The following PHLPP2 variants were observed in gnomAD, a reference collection of about 807,000 sequenced individuals.
The protein encoded by PHLPP2 is PH domain leucine-rich repeat-containing protein phosphatase 2.
A neutral mutation model predicts 124.9 loss-of-function variants in PHLPP2; 66 were observed. That is an observed-to-expected ratio of 0.53 (90% CI 0.43 to 0.65). The LOEUF (loss-of-function observed/expected upper bound fraction) is 0.65, where lower values mean the gene tolerates loss of function less well. Ranked by LOEUF, PHLPP2 falls within the 30% of genes least tolerant of loss-of-function variation. PHLPP2 has a pLI of 0.00. For synonymous variants in PHLPP2, 681 were observed against 624.7 expected, an observed-to-expected ratio of 1.09 and a Z score of -1.34; for missense variants, 1,685 against 1,600.4, an observed-to-expected ratio of 1.05 and a Z score of -0.90.
chr16:71,653,583 G>C (rs189069465), intron 17 of PHLPP2, among the ~76,000 whole-genome samples: 7 of 152,130 alleles, frequency 4.6e-5, no homozygotes, highest in Non-Finnish European at 1.0e-4. Flanking sequence ...CAATGTTAAC[G>C]AGGAACAGAC....
intron 2 of PHLPP2, among the ~76,000 whole-genome samples, chr16:71,710,563 A>G (rs2045317204): frequency 6.6e-6 from 1 of 152,178 alleles, no homozygotes; most frequent in Non-Finnish European, 1.5e-5. Context: ...GAAATAGGTA[A>G]TATTTATTGA....
chr16:71,651,859 C>G (rs1167360176), intron 18 of PHLPP2, among the ~76,000 whole-genome samples: 3 of 152,194 alleles, frequency 2.0e-5, no homozygotes, highest in African/African-American at 7.2e-5. Flanking sequence ...AATATAGATA[C>G]AGAGCTTACA....
chr16:71,717,434 T>C (rs907675517), intron 1 of PHLPP2, among the ~76,000 whole-genome samples: 13 of 152,228 alleles, frequency 8.5e-5, no homozygotes, highest in African/African-American at 2.2e-4. Flanking sequence ...ATGAGGATTA[T>C]TGAATCTAAC....
chr16:71,709,189 T>C (rs1353492334), intron 2 of PHLPP2, among the ~76,000 whole-genome samples: 1 of 152,166 alleles, frequency 6.6e-6, no homozygotes, highest in Non-Finnish European at 1.5e-5. Flanking sequence ...AAAAACTCCC[T>C]TTCCCCTATT....
In PHLPP2 at chr16:71,658,736, T is replaced by C; in HGVS notation, c.2065A>G (p.Asn689Asp). The C allele has an allele frequency of 6.2e-7, 1 of 1,614,122 alleles. No individual in the cohort carries two copies. The highest frequency in any genetic ancestry group is 8.5e-7 in the Non-Finnish European group (1 of 1,180,018). Residue 689 changes from asparagine to aspartate, a missense_variant, in exon 14 of 19, where the codon AAC becomes GAC. Transcript: ENST00000568954. ...KLKTIPTTIA[N>D]CKRLHTLVAH... The stretch of plus-strand genomic sequence containing the variant: ...ACAAGGGTGTGCAGCCTTTTACAGT[T>C]TGCTATGGTTGTGGGAATGGTTTTA...
chr16:71,666,854 A>G (rs1267276450), intron 12 of PHLPP2, among the ~76,000 whole-genome samples: 1 of 152,242 alleles, frequency 6.6e-6, no homozygotes, highest in Non-Finnish European at 1.5e-5. Context: ...AAGAAGCCAC[A>G]GCAGAATGTT....
chr16:71,705,386 T>A (rs1340740247), intron 2 of PHLPP2, among the ~76,000 whole-genome samples: 3 of 152,208 alleles, frequency 2.0e-5, no homozygotes, highest in Non-Finnish European at 4.4e-5. Flanking sequence ...TATTTCTCTC[T>A]AGAAAACTGA....
intron 4 of PHLPP2, among the ~76,000 whole-genome samples, chr16:71,687,659 T>G (rs575395455): frequency 6.6e-6 from 1 of 152,190 alleles, no homozygotes; most frequent in Non-Finnish European, 1.5e-5. Flanking sequence ...TTAGTGGCTA[T>G]TGTTAAATTT....
At position 71,648,729 on chromosome 16, in the gene PHLPP2, C is replaced by T. The variant is rs1596984176; in HGVS notation, c.*161G>A. ...GAGGCTGCAGTGACCCGAGACCCCACCATTGCACTCCAGCCTGAGCGACTG... is the reference window on the plus strand; with the variant it reads ...GAGGCTGCAGTGACCCGAGACCCCATCATTGCACTCCAGCCTGAGCGACTG... On this transcript the variant is annotated 3_prime_UTR_variant, in exon 19 of 19. Coordinates refer to ENST00000568954, the MANE Select transcript of PHLPP2 (RefSeq NM_015020.3). 3.2e-6 allele frequency: 2 copies of T among 617,806 alleles called. No homozygotes were observed. The highest frequency in any genetic ancestry group is 2.0e-5 in the South Asian group (1 of 49,522). 38.3% of individuals were successfully genotyped at this position (617,806 alleles called of 1,614,324 possible).
intron 1 of PHLPP2, among the ~76,000 whole-genome samples, chr16:71,722,475 T>A (rs1190938967): frequency 6.6e-6 from 1 of 152,066 alleles, no homozygotes; most frequent in Non-Finnish European, 1.5e-5. Context: ...GCACAAAAAA[T>A]GTTTTATATT....
At position 71,708,377 on chromosome 16, in the gene PHLPP2, T is replaced by G. The variant is rs189484436; in HGVS notation, c.285-5646A>C. On this transcript the variant is annotated intron_variant, in intron 2 of 18. Transcript: ENST00000568954. ...TCAGAAGCTCCTCCACTGAGCATCT[T>G]GTAACCCCCAACCCTGCCCGCAAGA... Among the ~76,000 whole-genome samples, 746 of 152,274 alleles carry G rather than the reference T, an allele frequency of 4.9e-3. 5 individuals are homozygous for G. The highest frequency in any genetic ancestry group is 6.7e-3 in the Non-Finnish European group (459 of 68,016).
chr16:71,663,290 T>C (rs941934047), intron 13 of PHLPP2, among the ~76,000 whole-genome samples: 5 of 152,264 alleles, frequency 3.3e-5, no homozygotes, highest in African/African-American at 1.2e-4. Flanking sequence ...ATTTTGTAGT[T>C]TTAGTAGAGA....
chr16:71,710,760 A>C (rs1292734073), intron 2 of PHLPP2, among the ~76,000 whole-genome samples: 1 of 152,202 alleles, frequency 6.6e-6, no homozygotes, highest in African/African-American at 2.4e-5. Flanking sequence ...AATTCATTTA[A>C]TCTTCATATC....
At position 71,676,541 on chromosome 16, in the gene PHLPP2, T is replaced by A; in HGVS notation, c.1377A>T (p.Leu459Phe). The change falls in exon 9 of 19, where the codon TTA becomes TTT. Residue 459 changes from leucine (L) to phenylalanine (F), a missense_variant. Transcript: ENST00000568954. ...CACAGTGCAGCTGTTCCAAGCTGCA[T>A]AAGGAGCTAAGATCCAAGTCAGTCA... ...NRLTDLDLSS[L>F]CSLEQLHCGR... 1 of 1,613,890 alleles carries A rather than the reference T, an allele frequency of 6.2e-7. No individual in the cohort carries two copies. Among genetic ancestry groups the A allele is most frequent in the Non-Finnish European group, 8.5e-7 (1 of 1,179,738 alleles).
At chr16:71,702,574 A>G in intron 3 of PHLPP2, 24 bp downstream of exon 3, 1 of 1,596,568 alleles carries the variant, frequency 6.3e-7, no homozygotes. Context: ...TAGTTAACAT[A>G]CAAAGCCACT....
chr16:71,679,353 G>T, intron 7 of PHLPP2, 36 bp downstream of exon 7: 5 of 1,593,800 alleles, frequency 3.1e-6, no homozygotes, highest in Non-Finnish European at 4.3e-6. Context: ...TCCTTATTCT[G>T]CAAGGGAAAA....
intron 11 of PHLPP2, among the ~76,000 whole-genome samples, chr16:71,668,415 CAAAAAAAAAAAAAAAA>C (rs34860764): frequency 7.4e-5 from 2 of 26,930 alleles, no homozygotes; most frequent in African/African-American, 1.6e-4. Context: ...GACTCTGTCT[CAAAAAAAAAAAAAAAA>C]AAAAAAAAAA....
intron 1 of PHLPP2, among the ~76,000 whole-genome samples, chr16:71,719,946 C>G (rs1244396617): frequency 7.3e-6 from 1 of 136,294 alleles, no homozygotes; most frequent in Non-Finnish European, 1.5e-5. Context: ...TACAGGTGCA[C>G]AACACCATGC....
intron 1 of PHLPP2, among the ~76,000 whole-genome samples, chr16:71,719,702 G>C (rs1448332237): frequency 5.3e-5 from 8 of 150,026 alleles, no homozygotes. Context: ...GACACAAGGA[G>C]ACTCTGTCTT....
Sources: gnomAD v4.1 joint callset for allele counts (sites outside exome capture counted in the v4.1 genomes callset) on GRCh38, gnomAD v4.1.1 for gene constraint, MANE v1.5 for transcripts, NCBI Gene and HGNC (gene_info 2026-07-23, HGNC 2026-07-21) for gene names.